The following ANXA4 variants were observed in gnomAD, a reference collection of about 807,000 sequenced individuals.
ANXA4 encodes annexin A4, also known as 35-beta calcimedin.
In ANXA4, 39 loss-of-function variants were observed where a neutral mutation model predicts 49.8. The ratio of observed to expected loss-of-function variants is 0.78; its 90% CI spans 0.61 to 1.02. ANXA4 has a LOEUF of 1.02. ANXA4 is among the 50% of genes least tolerant of loss of function. The pLI is 0.00. For missense variants in ANXA4, 360 were observed against 410.1 expected (o/e 0.88, Z 1.05); for synonymous variants, 134 against 152.5 (o/e 0.88, Z 0.89).
chr2:69,723,432 A>G (rs1669873131), intron 3 of ANXA4, among the ~76,000 whole-genome samples: 1 of 152,132 alleles, frequency 6.6e-6, no homozygotes, highest in African/African-American at 2.4e-5. Flanking sequence ...GAGAGCAGGC[A>G]TTTTCTAGGG....
chr2:69,807,489 A>G (rs1410914307), intron 5 of ANXA4, among the ~76,000 whole-genome samples: 2 of 152,172 alleles, frequency 1.3e-5, no homozygotes, highest in Non-Finnish European at 2.9e-5. Context: ...TAAGTCGAGG[A>G]GTACAATTAT....
chr2:69,802,892 C>T (rs745634453), intron 3 of ANXA4, among the ~76,000 whole-genome samples: 1 of 151,748 alleles, frequency 6.6e-6, no homozygotes, highest in Non-Finnish European at 1.5e-5. Context: ...GGATTGTCCT[C>T]TCCTTTTTAA....
intron 1 of ANXA4, among the ~76,000 whole-genome samples, chr2:69,648,603 C>T (rs1676097386): frequency 6.6e-6 from 1 of 152,126 alleles, no homozygotes; most frequent in Admixed American, 6.5e-5. Context: ...GCAGGTGGAT[C>T]ACTTGAGGTC....
intron 2 of ANXA4, among the ~76,000 whole-genome samples, chr2:69,699,612 T>A (rs1055237533): frequency 2.6e-5 from 4 of 152,212 alleles, no homozygotes; most frequent in Admixed American, 6.5e-5. Flanking sequence ...CCAGCCTAGA[T>A]GACAGTGAGA....
intron 2 of ANXA4, among the ~76,000 whole-genome samples, chr2:69,672,239 A>T (rs925703701): frequency 7.2e-5 from 11 of 152,148 alleles, no homozygotes; most frequent in African/African-American, 2.2e-4. Context: ...TTATTTATTT[A>T]TTTATTTATT....
At chr2:69,716,689 G>A (rs544395132) in intron 2 of ANXA4, among the ~76,000 whole-genome samples, 114 of 152,276 alleles carry the variant, frequency 7.5e-4, no homozygotes, top group African/African-American at 2.6e-3. Flanking sequence ...TAGTTATGAG[G>A]CTGCTCCGGG....
At chr2:69,806,920 A>G (rs1306975643) in intron 5 of ANXA4, among the ~76,000 whole-genome samples, 1 of 152,160 alleles carries the variant, frequency 6.6e-6, no homozygotes, top group Non-Finnish European at 1.5e-5. Context: ...GTAATGAAAT[A>G]ATCTGTACAA....
chr2:69,765,201 C>T (rs931136896), intron 1 of ANXA4, among the ~76,000 whole-genome samples: 1 of 152,136 alleles, frequency 6.6e-6, no homozygotes, highest in Non-Finnish European at 1.5e-5. Context: ...GCAAACATTT[C>T]TTCGAGTTCC....
chr2:69,795,844 A>T (rs1199707544), intron 3 of ANXA4, among the ~76,000 whole-genome samples: 1 of 152,232 alleles, frequency 6.6e-6, no homozygotes, highest in East Asian at 1.9e-4. Flanking sequence ...AGGCATGTGT[A>T]AATAATAAGT....
intron 1 of ANXA4, chr2:69,781,211 G>A: frequency 2.8e-6 from 1 of 360,214 alleles, no homozygotes; most frequent in East Asian, 6.0e-5. Context: ...TTCAGAATCT[G>A]TGTCCAGCTT....
chr2:69,718,724 T>C (rs909962278), intron 2 of ANXA4, among the ~76,000 whole-genome samples: 1 of 151,608 alleles, frequency 6.6e-6, no homozygotes, highest in Admixed American at 6.6e-5. Flanking sequence ...TGCACACACA[T>C]GCATACACAA....
At chr2:69,654,835 A>G (rs946981223) in intron 2 of ANXA4, among the ~76,000 whole-genome samples, 10 of 152,202 alleles carry the variant, frequency 6.6e-5, no homozygotes, top group Non-Finnish European at 1.5e-4. Context: ...AGATATATAG[A>G]CCAATGGAAC....
chr2:69,687,273 G>A (rs1413019626), intron 2 of ANXA4, among the ~76,000 whole-genome samples: 2 of 152,176 alleles, frequency 1.3e-5, no homozygotes, highest in Non-Finnish European at 2.9e-5. Flanking sequence ...GGAGGCCAAC[G>A]TGGGCAGATC....
intron 7 of ANXA4, 76 bp from the exon 8 acceptor site, chr2:69,812,577 C>T (rs1473679520): frequency 7.8e-7 from 1 of 1,281,286 alleles, no homozygotes; most frequent in African/African-American, 1.5e-5. Context: ...TTACTCTAGA[C>T]CTGCTATCTT....
intron 1 of ANXA4, among the ~76,000 whole-genome samples, chr2:69,757,266 A>ATTTTTTTTTT (rs1177266386): frequency 3.6e-5 from 1 of 27,644 alleles, no homozygotes; most frequent in Non-Finnish European, 6.7e-5. Flanking sequence ...ATATATATAT[A>ATTTTTTTTTT]TTTTTTTTTT....
chr2:69,701,137 AT>A (rs1345101895), intron 2 of ANXA4, among the ~76,000 whole-genome samples: 2 of 151,936 alleles, frequency 1.3e-5, no homozygotes, highest in Non-Finnish European at 2.9e-5. Context: ...AGCCTCCCAA[AT>A]TGTGGGGATT....
At chr2:69,746,374 C>G (rs1316054222) in intron 1 of ANXA4, among the ~76,000 whole-genome samples, 1 of 152,100 alleles carries the variant, frequency 6.6e-6, no homozygotes, top group Non-Finnish European at 1.5e-5. Context: ...TTTTTTTTCC[C>G]CTGCAAACTC....
At chr2:69,678,192 T>G (rs1282206725) in intron 2 of ANXA4, among the ~76,000 whole-genome samples, 1 of 152,164 alleles carries the variant, frequency 6.6e-6, no homozygotes, top group Non-Finnish European at 1.5e-5. Flanking sequence ...ATTTACAATT[T>G]TTGTTATAAA....
intron 1 of ANXA4, among the ~76,000 whole-genome samples, chr2:69,779,231 A>T (rs13392554): frequency 0.32 from 48,973 of 151,556 alleles, 8,952 homozygotes; most frequent in Admixed American, 0.47. Context: ...TTATGTTTGT[A>T]AAAGCTATTT....
Sources: gnomAD v4.1 joint callset for allele counts (sites outside exome capture counted in the v4.1 genomes callset) on GRCh38, gnomAD v4.1.1 for gene constraint, MANE v1.5 for transcripts, NCBI Gene and HGNC (gene_info 2026-07-23, HGNC 2026-07-21) for gene names.